The following NELL2 variants were observed in gnomAD, a reference collection of about 807,000 sequenced individuals.
NELL2 encodes protein kinase C-binding protein NELL2.
NELL2 carries 41 observed loss-of-function variants against 109.6 expected under a neutral mutation model. That is an observed-to-expected ratio of 0.37 (90% CI 0.29 to 0.49). NELL2 has a LOEUF of 0.49. Ranked by LOEUF, NELL2 falls within the 20% of genes least tolerant of loss-of-function variation. The pLI, the probability that NELL2 is intolerant of heterozygous loss-of-function variation, is 0.98. For missense variants in NELL2, 900 were observed against 1,008.3 expected (o/e 0.89, Z 1.45); for synonymous variants, 355 against 344.7 (o/e 1.03, Z -0.33).
intron 9 of NELL2, among the ~76,000 whole-genome samples, chr12:44,730,561 G>C (rs903947575): frequency 1.3e-5 from 2 of 151,728 alleles, no homozygotes; most frequent in Non-Finnish European, 2.9e-5. Context: ...AATCAAAAAA[G>C]AAATTTTAAA....
At chr12:44,862,975 G>C (rs1425823158) in intron 2 of NELL2, among the ~76,000 whole-genome samples, 1 of 152,052 alleles carries the variant, frequency 6.6e-6, no homozygotes, top group Non-Finnish European at 1.5e-5. Context: ...TTAAGTTCTG[G>C]GATCCATGTG....
At chr12:44,544,103 A>G (rs1776133379) in intron 15 of NELL2, among the ~76,000 whole-genome samples, 1 of 152,152 alleles carries the variant, frequency 6.6e-6, no homozygotes, top group South Asian at 2.1e-4. Context: ...GGAGGAATAA[A>G]AAAAAACCAT....
intron 16 of NELL2, among the ~76,000 whole-genome samples, chr12:44,524,547 T>A (rs192496096): frequency 9.8e-4 from 150 of 152,336 alleles, no homozygotes; most frequent in Non-Finnish European, 1.9e-3. Context: ...TTAGGAAATA[T>A]CTTTTTCAAA....
At chr12:44,835,327 A>C (rs1252131427) in intron 2 of NELL2, among the ~76,000 whole-genome samples, 1 of 152,198 alleles carries the variant, frequency 6.6e-6, no homozygotes, top group Non-Finnish European at 1.5e-5. Flanking sequence ...CTGGGGGGAA[A>C]AATCATTAAT....
At chr12:44,806,379 G>A (rs1357761833) in intron 3 of NELL2, among the ~76,000 whole-genome samples, 2 of 151,766 alleles carry the variant, frequency 1.3e-5, no homozygotes. Context: ...CTCTGCTGAT[G>A]AGAATGCAAC....
chr12:44,581,326 T>G (rs1944312953), intron 15 of NELL2, among the ~76,000 whole-genome samples: 1 of 152,164 alleles, frequency 6.6e-6, no homozygotes, highest in South Asian at 2.1e-4. Flanking sequence ...TCTTTTACAA[T>G]CTACACTGCC....
chr12:44,755,134 T>G (rs964613012), intron 9 of NELL2, among the ~76,000 whole-genome samples: 2 of 152,180 alleles, frequency 1.3e-5, no homozygotes, highest in Non-Finnish European at 2.9e-5. Flanking sequence ...GCTTCAACCT[T>G]ATGGCCTTTT....
At chr12:44,807,330 T>TAC (rs3038988) in intron 3 of NELL2, among the ~76,000 whole-genome samples, 29,690 of 148,734 alleles carry the variant, frequency 0.2, 3,055 homozygotes, top group East Asian at 0.37. Context: ...TTTTGCTCTT[T>TAC]ACACACACAC....
chr12:44,762,810 A>G (rs1266854010), intron 9 of NELL2, among the ~76,000 whole-genome samples: 2 of 152,186 alleles, frequency 1.3e-5, no homozygotes. Context: ...AATTTTACTT[A>G]TTTCAGGTGC....
At chr12:44,639,948 T>C (rs980510377) in intron 13 of NELL2, among the ~76,000 whole-genome samples, 1 of 152,142 alleles carries the variant, frequency 6.6e-6, no homozygotes, top group Non-Finnish European at 1.5e-5. Flanking sequence ...CTAAGGCCTC[T>C]TTTCAGTCCC....
chr12:44,780,410 T>A (rs1941914206), intron 3 of NELL2, among the ~76,000 whole-genome samples: 1 of 151,830 alleles, frequency 6.6e-6, no homozygotes, highest in African/African-American at 2.4e-5. Flanking sequence ...ATCTCTCTGT[T>A]CCAGTCAAAC....
At chr12:44,819,852 CT>C (rs2136694413) in intron 2 of NELL2, among the ~76,000 whole-genome samples, 1 of 152,244 alleles carries the variant, frequency 6.6e-6, no homozygotes, top group African/African-American at 2.4e-5. Flanking sequence ...CAATAATATT[CT>C]TTTTTTCTTT....
At chr12:44,532,503 T>A (rs1355386479) in intron 16 of NELL2, 78 bp downstream of exon 16, 7 of 1,413,146 alleles carry the variant, frequency 5.0e-6, no homozygotes, top group Non-Finnish European at 6.7e-6. Flanking sequence ...TGGCTCAATG[T>A]CTTCTATTTA....
intron 9 of NELL2, among the ~76,000 whole-genome samples, chr12:44,726,475 T>C (rs1468635204): frequency 6.6e-6 from 1 of 152,174 alleles, no homozygotes; most frequent in Admixed American, 6.5e-5. Flanking sequence ...CAAATCTCCA[T>C]ATCTCTAGTT....
At chr12:44,681,828 T>G (rs796861583) in intron 12 of NELL2, among the ~76,000 whole-genome samples, 1 of 151,974 alleles carries the variant, frequency 6.6e-6, no homozygotes, top group Non-Finnish European at 1.5e-5. Flanking sequence ...TGTTGGACAT[T>G]TGGGTTGGTT....
chr12:44,813,599 G>A (rs1226750828), intron 3 of NELL2, among the ~76,000 whole-genome samples: 2 of 152,068 alleles, frequency 1.3e-5, no homozygotes, highest in African/African-American at 4.8e-5. Flanking sequence ...CAAAGTAAAT[G>A]AGTTGAATAC....
At chr12:44,808,505 A>AACAAACTATCTCTC in intron 3 of NELL2, among the ~76,000 whole-genome samples, 1 of 152,046 alleles carries the variant, frequency 6.6e-6, no homozygotes, top group South Asian at 2.1e-4. Flanking sequence ...GAAACACTTC[A>AACAAACTATCTCTC]AGAAAATAAA....
chr12:44,858,968 C>T (rs192074406), intron 2 of NELL2, among the ~76,000 whole-genome samples: 3 of 152,164 alleles, frequency 2.0e-5, no homozygotes, highest in African/African-American at 7.2e-5. Context: ...CAACAAAACA[C>T]TCAATACTTG....
intron 1 of NELL2, among the ~76,000 whole-genome samples, chr12:44,921,081 G>A (rs2136900215): frequency 6.6e-6 from 1 of 152,304 alleles, no homozygotes; most frequent in South Asian, 2.1e-4. Flanking sequence ...GAGGAGGGAA[G>A]AAAGGAAAAG....
Sources: gnomAD v4.1 joint callset for allele counts (sites outside exome capture counted in the v4.1 genomes callset) on GRCh38, gnomAD v4.1.1 for gene constraint, MANE v1.5 for transcripts, NCBI Gene and HGNC (gene_info 2026-07-23, HGNC 2026-07-21) for gene names.